The following DLG2 variants were observed in gnomAD, a reference collection of about 807,000 sequenced individuals.
The protein encoded by DLG2 is discs large MAGUK scaffold protein 2, also known as disks large homolog 2.
Under a neutral mutation model 132.5 loss-of-function variants are expected in DLG2, and 45 were observed. The ratio of observed to expected loss-of-function variants is 0.34; its 90% CI spans 0.27 to 0.44. The LOEUF is 0.44. Among genes scored for constraint, DLG2 ranks in the 20% least tolerant of loss-of-function variants. The probability of loss-of-function intolerance (pLI) is 1.00; values close to 1 mark genes in which losing one functional copy is unlikely to be tolerated. For synonymous variants in DLG2, 424 were observed against 419.6 expected (o/e 1.01, Z -0.13); for missense variants, 1,045 against 1,196.9 (o/e 0.87, Z 1.87).
At position 84,623,140 on chromosome 11, in the gene DLG2, A is replaced by T. The variant is rs77336950; in HGVS notation, c.358-88409T>A. Among the ~76,000 whole-genome samples the T allele has an allele frequency of 2.0e-5, 3 of 152,158 alleles. No homozygotes were observed. In the South Asian group the frequency reaches 6.2e-4, roughly 32 times the overall value. The stretch of plus-strand genomic sequence containing the variant: ...ATGCTGCTCTTCTGTTTATCATTAC[A>T]TGACTCCCTACTGATGACTGGATAT... On this transcript the variant is annotated intron_variant, in intron 6 of 27. Transcript: ENST00000376104.
chr11:84,454,026 A>G (rs2099058692), intron 7 of DLG2, among the ~76,000 whole-genome samples: 1 of 151,618 alleles, frequency 6.6e-6, no homozygotes, highest in African/African-American at 2.4e-5. Context: ...TAAAGGCTTT[A>G]TTCATGACAG....
chr11:84,520,518 G>A (rs988659659), intron 7 of DLG2, among the ~76,000 whole-genome samples: 1 of 152,130 alleles, frequency 6.6e-6, no homozygotes, highest in African/African-American at 2.4e-5. Flanking sequence ...AATTACATTG[G>A]TTGTTTGGAA....
rs1448064465 is a variant in DLG2, at chr11:83,459,509, A to ACATCT, written c.*304_*308dup. On this transcript the variant is annotated 3_prime_UTR_variant, in exon 28 of 28. Coordinates refer to ENST00000376104, the MANE Select transcript of DLG2 (RefSeq NM_001142699.3). ...AGCTCTGCAGCTAAATCAGCTCTGGACATCTGCTGGGGTGAGGAGGCTCTC... is the reference window on the plus strand; with the variant it reads ...AGCTCTGCAGCTAAATCAGCTCTGGACATCTCATCTGCTGGGGTGAGGAGGCTCTC... 5 of 211,636 alleles carry ACATCT rather than the reference A, an allele frequency of 2.4e-5. No homozygotes were observed. The highest frequency in any genetic ancestry group is 4.7e-5 in the Non-Finnish European group (5 of 105,746). 13.1% of individuals were successfully genotyped at this position (211,636 alleles called of 1,614,324 possible).
chr11:84,859,319 A>ACC, intron 6 of DLG2, among the ~76,000 whole-genome samples: 1 of 140,464 alleles, frequency 7.1e-6, no homozygotes, highest in East Asian at 2.0e-4. Context: ...CTATATATGT[A>ACC]TATCTACATA....
intron 3 of DLG2, among the ~76,000 whole-genome samples, chr11:85,332,655 G>C (rs2081844376): frequency 6.6e-6 from 1 of 152,148 alleles, no homozygotes; most frequent in Non-Finnish European, 1.5e-5. Context: ...AAGGGGTCCA[G>C]TTTCAATCTT....
At chr11:83,469,521 C>A in intron 24 of DLG2, 148 bp from the exon 25 acceptor site, 2 of 589,052 alleles carry the variant, frequency 3.4e-6, no homozygotes, top group South Asian at 5.5e-5. Context: ...CTAGTCTTAC[C>A]CTCCCACCAT....
chr11:84,914,172 T>C (rs1316429362), intron 6 of DLG2, among the ~76,000 whole-genome samples: 2 of 152,226 alleles, frequency 1.3e-5, no homozygotes, highest in East Asian at 1.9e-4. Flanking sequence ...CTAACTTTCA[T>C]TTTAAAGAAA....
At chr11:83,869,547 C>A (rs908185119) in intron 16 of DLG2, among the ~76,000 whole-genome samples, 8 of 152,156 alleles carry the variant, frequency 5.3e-5, no homozygotes, top group Non-Finnish European at 8.8e-5. Context: ...TGGAGTTAGG[C>A]CTGCCCTGGT....
intron 19 of DLG2, among the ~76,000 whole-genome samples, chr11:83,588,659 A>C (rs2097135029): frequency 6.6e-6 from 1 of 151,626 alleles, no homozygotes; most frequent in Non-Finnish European, 1.5e-5. Context: ...TGACGAGCTG[A>C]GAGAAGAAGG....
intron 14 of DLG2, among the ~76,000 whole-genome samples, chr11:83,952,682 G>T (rs574485815): frequency 9.0e-6 from 1 of 111,588 alleles, no homozygotes; most frequent in South Asian, 3.3e-4. Flanking sequence ...TAATGCTAAA[G>T]CAAAAAATAA....
chr11:83,586,814 C>A (rs1362666524), intron 19 of DLG2, among the ~76,000 whole-genome samples: 1 of 152,180 alleles, frequency 6.6e-6, no homozygotes, highest in African/African-American at 2.4e-5. Flanking sequence ...ATCAGGGAAC[C>A]TAGCACCAAA....
At chr11:83,991,244 A>G (rs958699573) in intron 11 of DLG2, among the ~76,000 whole-genome samples, 2 of 152,202 alleles carry the variant, frequency 1.3e-5, no homozygotes, top group Admixed American at 1.3e-4. Context: ...GATTCTGCTT[A>G]AAATTTCTAA....
At chr11:85,373,613 C>A (rs2085162957) in intron 3 of DLG2, among the ~76,000 whole-genome samples, 2 of 152,156 alleles carry the variant, frequency 1.3e-5, no homozygotes, top group South Asian at 2.1e-4. Flanking sequence ...AGGAGCCTGG[C>A]CCCTCTTCTT....
At chr11:83,718,061 G>C (rs776763530) in intron 18 of DLG2, among the ~76,000 whole-genome samples, 2 of 152,156 alleles carry the variant, frequency 1.3e-5, no homozygotes, top group Non-Finnish European at 2.9e-5. Flanking sequence ...TGCTCAGGGG[G>C]ACAAAGACAA....
At chr11:84,554,305 A>G (rs1238980810) in intron 6 of DLG2, among the ~76,000 whole-genome samples, 1 of 152,216 alleles carries the variant, frequency 6.6e-6, no homozygotes, top group Non-Finnish European at 1.5e-5. Flanking sequence ...TAATGTGGAT[A>G]GGACTTGCTC....
At chr11:84,402,598 G>A (rs1022904346) in intron 7 of DLG2, among the ~76,000 whole-genome samples, 5 of 151,614 alleles carry the variant, frequency 3.3e-5, no homozygotes, top group Admixed American at 3.3e-4. Flanking sequence ...AAATTAACTC[G>A]GCCAGGTGCG....
At chr11:85,119,906 T>C (rs1197408753) in intron 5 of DLG2, among the ~76,000 whole-genome samples, 1 of 152,116 alleles carries the variant, frequency 6.6e-6, no homozygotes, top group Non-Finnish European at 1.5e-5. Flanking sequence ...ATGGGAAAGG[T>C]AACAATTACC....
chr11:84,481,399 A>G (rs2099137287), intron 7 of DLG2, among the ~76,000 whole-genome samples: 1 of 152,160 alleles, frequency 6.6e-6, no homozygotes, highest in Non-Finnish European at 1.5e-5. Flanking sequence ...ATCAGAGGCC[A>G]TCTGAGGTAA....
At chr11:84,278,183 C>T (rs1213883712) in intron 7 of DLG2, among the ~76,000 whole-genome samples, 1 of 151,352 alleles carries the variant, frequency 6.6e-6, no homozygotes, top group Non-Finnish European at 1.5e-5. Flanking sequence ...GCCACTGTAC[C>T]TGGCTGAGAA....
Sources: gnomAD v4.1 joint callset for allele counts (sites outside exome capture counted in the v4.1 genomes callset) on GRCh38, gnomAD v4.1.1 for gene constraint, MANE v1.5 for transcripts, NCBI Gene and HGNC (gene_info 2026-07-23, HGNC 2026-07-21) for gene names.